XBP1: variants seen among roughly 807,000 people sequenced by gnomAD.
XBP1 encodes the protein X-box binding protein 1.
Under a neutral mutation model 34.6 loss-of-function variants are expected in XBP1, and 18 were observed. The observed-to-expected ratio is 0.52, with a 90% CI of 0.36 to 0.77. The LOEUF (loss-of-function observed/expected upper bound fraction) is 0.77, where lower values mean the gene tolerates loss of function less well. Among genes scored for constraint, XBP1 ranks in the 30% least tolerant of loss-of-function variants. The probability of loss-of-function intolerance (pLI) is 0.00; values close to 1 mark genes in which losing one functional copy is unlikely to be tolerated. For missense variants in XBP1, 422 were observed against 464.6 expected (o/e 0.91, Z 0.84); for synonymous variants, 191 against 193.4 (o/e 0.99, Z 0.11).
intron 2 of XBP1, among the ~76,000 whole-genome samples, chr22:28,798,312 T>A (rs2031788827): frequency 6.7e-6 from 1 of 149,594 alleles, no homozygotes; most frequent in Admixed American, 6.6e-5. Context: ...CTTTTTTTTT[T>A]TTTTTGAGAC....
At chr22:28,796,950 G>A (rs892471348) in intron 3 of XBP1, 127 bp downstream of exon 3, 1 of 1,246,822 alleles carries the variant, frequency 8.0e-7, no homozygotes, top group African/African-American at 1.5e-5. Flanking sequence ...GCATGAAAAT[G>A]TCTTAAAACT....
chr22:28,794,802 AG>A (rs1217576971), downstream of XBP1: 2 of 160,534 alleles, frequency 1.2e-5, no homozygotes, highest in East Asian at 3.5e-4. Context: ...GATGCCAAAA[AG>A]GGGGAAGAGA....
rs531353931 is a variant in XBP1, at chr22:28,797,260, T to G, written c.325-55A>C. ...AACATCTAATTATTTCAGTTAAGAA[T>G]CTACCTGATTCAGTATAATTGGTTT... On this transcript the variant is annotated intron_variant, in intron 2 of 5. Transcript: ENST00000344347. 102 of 1,564,912 alleles carry G rather than the reference T, an allele frequency of 6.5e-5. 3 individuals carry two copies. In the South Asian group the frequency reaches 1.1e-3, roughly 17 times the overall value.
At chr22:28,795,984 A>G (rs537986542) in intron 5 of XBP1, 63 bp downstream of exon 5, 1 of 1,598,486 alleles carries the variant, frequency 6.3e-7, no homozygotes, top group African/African-American at 1.3e-5. Flanking sequence ...TAGGGATGTC[A>G]AGCATCAAAC....
intron 1 of XBP1, chr22:28,800,050 C>A (rs1276844152): frequency 1.3e-6 from 1 of 773,892 alleles, no homozygotes; most frequent in East Asian, 2.5e-5. Context: ...CAGCTCTGGT[C>A]ATCTCTAACG....
intron 2 of XBP1, 36 bp downstream of exon 2, chr22:28,799,021 C>T (rs1338342426): frequency 1.3e-6 from 2 of 1,545,326 alleles, no homozygotes; most frequent in Non-Finnish European, 1.8e-6. Context: ...GAAGGGTATA[C>T]AATGGATAAA....
intron 1 of XBP1, 52 bp downstream of exon 1, chr22:28,800,246 T>C: frequency 1.3e-6 from 2 of 1,528,764 alleles, no homozygotes; most frequent in South Asian, 1.2e-5. Flanking sequence ...CCCCTGCCCC[T>C]GTCCCTAGTC....
At chr22:28,795,040 C>A, downstream of XBP1, 1 of 807,448 alleles carries the variant, frequency 1.2e-6, no homozygotes, top group Non-Finnish European at 1.8e-6. Context: ...TCTATGAGAT[C>A]TGAACAAATA....
At chr22:28,799,774 G>C (rs2031831642) in intron 1 of XBP1, among the ~76,000 whole-genome samples, 1 of 152,174 alleles carries the variant, frequency 6.6e-6, no homozygotes, top group South Asian at 2.1e-4. Context: ...GGAGGACTAA[G>C]TGCTAGGCAC....
At chr22:28,799,888 C>CT in intron 1 of XBP1, 1 of 740,444 alleles carries the variant, frequency 1.4e-6, no homozygotes, top group East Asian at 2.5e-5. Context: ...ATTCCCAGCC[C>CT]TTTCAACAGC....
At chr22:28,800,131 C>T (rs958830196) in intron 1 of XBP1, 167 bp downstream of exon 1, 1 of 814,826 alleles carries the variant, frequency 1.2e-6, no homozygotes, top group Non-Finnish European at 2.0e-6. Context: ...CCGGTCAGTC[C>T]GGGCTTCCTG....
At position 28,796,467 on chromosome 22, in the gene XBP1, G is replaced by A. The variant is rs35771921; in HGVS notation, c.454-275C>T. 804 of 283,778 alleles carry A rather than the reference G, an allele frequency of 2.8e-3. 12 individuals are homozygous for A. The highest frequency in any genetic ancestry group is 0.017 in the African/African-American group (767 of 45,374). The allele number at this position is 283,778 out of a possible 1,614,324, so 17.6% of individuals were successfully genotyped here. A position where few individuals can be genotyped will look rare whatever the true frequency, so the allele number is the denominator to read the frequency against. ...TTACCTCCCTTTTCTCATCTCTTGA[G>A]GACTTAAAAGTGGAAATAACAATGG... is the stretch of plus-strand genomic sequence containing the variant. On this transcript the variant is annotated intron_variant, in intron 3 of 5. Coordinates refer to ENST00000344347, the Ensembl canonical transcript of XBP1.
chr22:28,800,201 GGCGGCC>G lies in XBP1; in HGVS notation c.227+91_227+96del. On this transcript the variant is annotated intron_variant, in intron 1 of 5. Transcript: ENST00000344347. ...GGCCAAAGGCGACGGAGCCCTGCGG[GGCGGCC>G]AGTGCTGGGTCCCCGCTCCCAGCCC... The G allele has an allele frequency of 1.4e-5, 19 of 1,381,564 alleles. No homozygotes were observed. In the South Asian group the frequency reaches 2.2e-4, roughly 16 times the overall value. 85.6% of individuals were successfully genotyped at this position (1,381,564 alleles called of 1,614,324 possible).
At chr22:28,798,916 C>T in intron 2 of XBP1, 141 bp downstream of exon 2, 2 of 659,988 alleles carry the variant, frequency 3.0e-6, no homozygotes, top group Non-Finnish European at 2.6e-6. Context: ...CCACCATGCC[C>T]AGCCTAGTTT....
intron 1 of XBP1, 33 bp downstream of exon 1, chr22:28,800,265 A>C (rs1569205552): frequency 1.3e-6 from 2 of 1,546,662 alleles, no homozygotes; most frequent in South Asian, 2.4e-5. Flanking sequence ...TCCCGGCTTC[A>C]GATCTGGCCC....
rs550349773 is a variant in XBP1 at position 28,795,757 on chromosome 22, A to C, written c.574-25T>G. The C allele has an allele frequency of 7.2e-6, 11 of 1,517,970 alleles. No individual in the cohort carries two copies. The South Asian group carries it at 1.3e-4, about 18-fold the overall frequency. The allele number at this position is 1,517,970 out of a possible 1,614,324, so 94.0% of individuals were successfully genotyped here. On this transcript the variant is annotated intron_variant, in intron 5 of 5. Coordinates refer to ENST00000344347, the Ensembl canonical transcript of XBP1. ...ACTGTAAGAGGCAAAAATTAAATGA[A>C]GTACAACTGTCAGAATACAATGGAA...
exon 6 of XBP1, chr22:28,795,230 T>C (rs555462663): frequency 1.3e-6 from 2 of 1,544,064 alleles, no homozygotes; most frequent in South Asian, 2.4e-5. Flanking sequence ...CTCCCAAGAA[T>C]GGTTTACACC....
At chr22:28,798,625 C>G (rs2031795593) in intron 2 of XBP1, among the ~76,000 whole-genome samples, 1 of 128,454 alleles carries the variant, frequency 7.8e-6, no homozygotes, top group African/African-American at 3.2e-5. Context: ...TTTTTTTTTT[C>G]TTGAGACAGA....
intron 2 of XBP1, among the ~76,000 whole-genome samples, chr22:28,798,017 C>G (rs1296054358): frequency 6.6e-6 from 1 of 152,078 alleles, no homozygotes; most frequent in African/African-American, 2.4e-5. Context: ...TAAATAATCT[C>G]TATGTATTCA....
Sources: allele counts gnomAD v4.1 joint callset (sites outside exome capture counted in the v4.1 genomes callset), GRCh38; gene constraint gnomAD v4.1.1; transcripts MANE v1.5; gene names NCBI Gene and HGNC (gene_info 2026-07-23, HGNC 2026-07-21).